Variants in ATOSA observed in about 807,000 individuals in gnomAD.
ATOSA encodes the protein atos homolog A.
At chr15:52,582,372 T>C in the ATOSA span, 1 of 1,375,988 alleles carries the variant, frequency 7.3e-7, no homozygotes, top group Non-Finnish European at 9.6e-7. Context: ...CTAGAATAAT[T>C]AAAATTTGAA....
At chr15:52,633,550 G>T in the ATOSA span, among the ~76,000 whole-genome samples, 1 of 152,066 alleles carries the variant, frequency 6.6e-6, no homozygotes, top group Non-Finnish European at 1.5e-5. Context: ...GTTCTAAACA[G>T]TTAAAGCATT....
chr15:52,592,949 C>T, the ATOSA span, among the ~76,000 whole-genome samples: 3 of 152,162 alleles, frequency 2.0e-5, no homozygotes, highest in African/African-American at 7.2e-5. Context: ...GAGTTCAAGA[C>T]CAGCCTGGGC....
At chr15:52,624,330 C>T in the ATOSA span, among the ~76,000 whole-genome samples, 1 of 152,200 alleles carries the variant, frequency 6.6e-6, no homozygotes, top group East Asian at 1.9e-4. Flanking sequence ...CATGAGAAAG[C>T]CCATTCCTAA....
chr15:52,691,855 T>C, the ATOSA span, among the ~76,000 whole-genome samples: 1 of 150,560 alleles, frequency 6.6e-6, no homozygotes, highest in East Asian at 2.0e-4. Context: ...AATAAATAAA[T>C]AAGAAAAAGA....
chr15:52,676,982 T>C, the ATOSA span, among the ~76,000 whole-genome samples: 3 of 152,312 alleles, frequency 2.0e-5, no homozygotes, highest in Non-Finnish European at 2.9e-5. Context: ...CCTGATTGTA[T>C]GTAATAGCCA....
the ATOSA span, among the ~76,000 whole-genome samples, chr15:52,681,079 C>T: frequency 1.3e-5 from 2 of 152,206 alleles, no homozygotes; most frequent in African/African-American, 4.8e-5. Context: ...GAAGCCAAGA[C>T]TATTAGTGTG....
the ATOSA span, among the ~76,000 whole-genome samples, chr15:52,637,421 C>T: frequency 6.6e-6 from 1 of 152,088 alleles, no homozygotes; most frequent in Non-Finnish European, 1.5e-5. Context: ...CTCTCCCAAC[C>T]CCAAATTTGC....
the ATOSA span, chr15:52,611,348 T>A: frequency 6.7e-7 from 1 of 1,485,896 alleles, no homozygotes; most frequent in Non-Finnish European, 9.1e-7. Flanking sequence ...AACTTATCAC[T>A]CAGGATTTGT....
chr15:52,693,581 A>G, the ATOSA span, among the ~76,000 whole-genome samples: 1 of 152,188 alleles, frequency 6.6e-6, no homozygotes, highest in African/African-American at 2.4e-5. Flanking sequence ...AAACAAAACC[A>G]TACTATCACT....
the ATOSA span, chr15:52,605,228 A>T: frequency 6.2e-7 from 1 of 1,608,956 alleles, no homozygotes; most frequent in Non-Finnish European, 8.5e-7. Context: ...CACACATTTG[A>T]ATGTTTCAGT....
At chr15:52,609,484 G>A in the ATOSA span, 1 of 1,613,732 alleles carries the variant, frequency 6.2e-7, no homozygotes, top group Non-Finnish European at 8.5e-7. Flanking sequence ...CTGGAGTAAA[G>A]AGCCTATCAA....
the ATOSA span, among the ~76,000 whole-genome samples, chr15:52,613,295 G>A: frequency 6.6e-6 from 1 of 152,244 alleles, no homozygotes; most frequent in Non-Finnish European, 1.5e-5. Context: ...GAACCCGGGA[G>A]GTGGAGGTTG....
At chr15:52,606,115 G>GTA in the ATOSA span, among the ~76,000 whole-genome samples, 1 of 151,986 alleles carries the variant, frequency 6.6e-6, no homozygotes, top group Non-Finnish European at 1.5e-5. Context: ...TGGATAAGGG[G>GTA]CGACTACTGT....
At chr15:52,690,534 A>G in the ATOSA span, among the ~76,000 whole-genome samples, 1 of 152,248 alleles carries the variant, frequency 6.6e-6, no homozygotes, top group African/African-American at 2.4e-5. Flanking sequence ...AGCTTTCTAA[A>G]TTTTAGTACA....
At chr15:52,651,409 G>C in the ATOSA span, among the ~76,000 whole-genome samples, 2 of 152,174 alleles carry the variant, frequency 1.3e-5, no homozygotes, top group African/African-American at 4.8e-5. Flanking sequence ...ATCTCACTTA[G>C]TTAAATTCTG....
At chr15:52,628,620 A>G in the ATOSA span, among the ~76,000 whole-genome samples, 4 of 152,212 alleles carry the variant, frequency 2.6e-5, no homozygotes, top group East Asian at 7.7e-4. Context: ...TAAAAACACT[A>G]TCCTAGATAC....
the ATOSA span, among the ~76,000 whole-genome samples, chr15:52,690,020 T>C: frequency 6.6e-6 from 1 of 152,242 alleles, no homozygotes; most frequent in African/African-American, 2.4e-5. Context: ...TAAGATTTTT[T>C]TGTGTTCTTT....
the ATOSA span, among the ~76,000 whole-genome samples, chr15:52,700,908 C>G: frequency 5.3e-5 from 8 of 152,136 alleles, no homozygotes; most frequent in Admixed American, 3.3e-4. Flanking sequence ...ATGTCAGTTC[C>G]CCCTAAGTTA....
chr15:52,611,793 T>C, the ATOSA span: 1 of 1,612,072 alleles, frequency 6.2e-7, no homozygotes, highest in Admixed American at 1.7e-5. Flanking sequence ...AGAAAATGAA[T>C]ATAAGCAAAA....
Sources: gnomAD v4.1 joint callset for allele counts (sites outside exome capture counted in the v4.1 genomes callset) on GRCh38, gnomAD v4.1.1 for gene constraint, MANE v1.5 for transcripts, NCBI Gene and HGNC (gene_info 2026-07-23, HGNC 2026-07-21) for gene names.